MARCHF8: variants seen among roughly 807,000 people sequenced by gnomAD.
The protein encoded by MARCHF8 is E3 ubiquitin-protein ligase MARCHF8.
In MARCHF8, 40 loss-of-function variants were observed where a neutral mutation model predicts 51.6. That is an observed-to-expected ratio of 0.77 (90% CI 0.60 to 1.01). The LOEUF is 1.01. Among genes scored for constraint, MARCHF8 ranks in the 50% least tolerant of loss-of-function variants. MARCHF8 has a pLI of 0.00. For missense variants in MARCHF8, 685 were observed against 708.6 expected (o/e 0.97, Z 0.38); for synonymous variants, 263 against 280.3 (o/e 0.94, Z 0.62).
At chr10:45,500,843 C>T (rs150579935) in intron 2 of MARCHF8, among the ~76,000 whole-genome samples, 38 of 151,772 alleles carry the variant, frequency 2.5e-4, no homozygotes, top group African/African-American at 7.0e-4. Context: ...AATAGACATA[C>T]AAAAATTAAC....
At chr10:45,468,979 C>CA (rs1843065613) in intron 3 of MARCHF8, among the ~76,000 whole-genome samples, 1 of 152,132 alleles carries the variant, frequency 6.6e-6, no homozygotes, top group African/African-American at 2.4e-5. Context: ...TTCATCCTCA[C>CA]ACACCTGCGG....
At chr10:45,527,115 C>T (rs1274571899) in intron 2 of MARCHF8, among the ~76,000 whole-genome samples, 1 of 151,968 alleles carries the variant, frequency 6.6e-6, no homozygotes, top group Non-Finnish European at 1.5e-5. Context: ...ACAGCAAAAG[C>T]TTATAGTGTT....
chr10:45,544,043 G>C (rs1269814078), intron 1 of MARCHF8, among the ~76,000 whole-genome samples: 1 of 151,724 alleles, frequency 6.6e-6, no homozygotes, highest in Non-Finnish European at 1.5e-5. Flanking sequence ...ACTCCATTCT[G>C]GGCAACAGCA....
intron 3 of MARCHF8, among the ~76,000 whole-genome samples, chr10:45,486,345 C>CAGGA (rs1401270752): frequency 6.6e-6 from 1 of 152,166 alleles, no homozygotes; most frequent in African/African-American, 2.4e-5. Context: ...GCGGGTGGAT[C>CAGGA]AGGAGGTCAG....
At chr10:45,501,786 C>A (rs2043284694) in intron 2 of MARCHF8, among the ~76,000 whole-genome samples, 1 of 152,000 alleles carries the variant, frequency 6.6e-6, no homozygotes, top group African/African-American at 2.4e-5. Flanking sequence ...ATTCTTAGAC[C>A]TGAACATTTT....
chr10:45,526,980 T>C (rs975073006), intron 2 of MARCHF8, among the ~76,000 whole-genome samples: 2 of 152,132 alleles, frequency 1.3e-5, no homozygotes, highest in African/African-American at 4.8e-5. Context: ...GACTCTCAAA[T>C]CTATACAAAT....
chr10:45,578,420 T>C (rs541136021), intron 1 of MARCHF8, among the ~76,000 whole-genome samples: 1 of 152,226 alleles, frequency 6.6e-6, no homozygotes, highest in South Asian at 2.1e-4. Context: ...AATAAGAATA[T>C]GTATATGAAT....
At chr10:45,556,137 T>C (rs912007989) in intron 1 of MARCHF8, among the ~76,000 whole-genome samples, 4 of 152,222 alleles carry the variant, frequency 2.6e-5, no homozygotes. Flanking sequence ...ATAAACGGCA[T>C]GATTTTTTCA....
At chr10:45,467,459 G>A (rs996100136) in intron 3 of MARCHF8, among the ~76,000 whole-genome samples, 2 of 152,130 alleles carry the variant, frequency 1.3e-5, no homozygotes, top group Non-Finnish European at 2.9e-5. Flanking sequence ...CAATCCATAG[G>A]CAGAATGGTC....
chr10:45,487,742 A>G (rs559270820), intron 3 of MARCHF8, among the ~76,000 whole-genome samples: 2 of 152,366 alleles, frequency 1.3e-5, no homozygotes, highest in South Asian at 2.1e-4. Flanking sequence ...AAATGTCTTA[A>G]GAAGGTTTGC....
intron 7 of MARCHF8, 91 bp from the exon 8 acceptor site, chr10:45,458,634 C>CT: frequency 1.5e-6 from 2 of 1,318,514 alleles, no homozygotes; most frequent in Non-Finnish European, 1.0e-6. Context: ...TCAACTGATT[C>CT]TTTGTTGTTG....
chr10:45,503,489 T>C (rs2043319939), intron 2 of MARCHF8, among the ~76,000 whole-genome samples: 2 of 151,830 alleles, frequency 1.3e-5, no homozygotes, highest in South Asian at 4.1e-4. Context: ...TGAGCCGAGA[T>C]ATCGTGCCAC....
At chr10:45,551,830 G>A (rs924973950) in intron 1 of MARCHF8, among the ~76,000 whole-genome samples, 16 of 146,332 alleles carry the variant, frequency 1.1e-4, no homozygotes, top group African/African-American at 3.5e-4. Flanking sequence ...TATATATATA[G>A]GTATATCTGT....
At chr10:45,585,241 T>C (rs1007101674) in intron 1 of MARCHF8, among the ~76,000 whole-genome samples, 5 of 152,110 alleles carry the variant, frequency 3.3e-5, no homozygotes, top group Non-Finnish European at 7.4e-5. Context: ...CACCTGACCA[T>C]ACACAAAGAG....
chr10:45,488,036 A>G lies in MARCHF8; in HGVS notation c.153+1331T>C, dbSNP rs1236347109. ...CCAGAGTCAATGTGTGGGCTGAGAGAGGAGCACTGCCTGGAAGCAAGCTCA... is the reference window on the plus strand; with the variant it reads ...CCAGAGTCAATGTGTGGGCTGAGAGGGGAGCACTGCCTGGAAGCAAGCTCA... On this transcript the variant is annotated intron_variant, in intron 3 of 7. Transcript: ENST00000453424. Among the ~76,000 whole-genome samples, 3 of 152,202 alleles carry G rather than the reference A, an allele frequency of 2.0e-5. No homozygotes were observed. In the East Asian group the frequency reaches 5.8e-4, roughly 29 times the overall value.
chr10:45,554,198 G>A (rs1262643825), intron 1 of MARCHF8, among the ~76,000 whole-genome samples: 1 of 152,162 alleles, frequency 6.6e-6, no homozygotes, highest in Non-Finnish European at 1.5e-5. Flanking sequence ...TAATCATATT[G>A]TTAGCAGTAA....
chr10:45,528,853 T>A (rs72798210), intron 2 of MARCHF8, among the ~76,000 whole-genome samples: 1 of 152,134 alleles, frequency 6.6e-6, no homozygotes, highest in Non-Finnish European at 1.5e-5. Flanking sequence ...GACACAAACA[T>A]GATCATGGGT....
intron 1 of MARCHF8, among the ~76,000 whole-genome samples, chr10:45,543,527 G>A (rs1014795493): frequency 6.6e-6 from 1 of 152,132 alleles, no homozygotes; most frequent in Non-Finnish European, 1.5e-5. Context: ...GGCCGGGCAC[G>A]GTGGCTCATG....
intron 3 of MARCHF8, among the ~76,000 whole-genome samples, chr10:45,474,377 G>A (rs2042749326): frequency 6.6e-6 from 1 of 151,936 alleles, no homozygotes; most frequent in South Asian, 2.1e-4. Flanking sequence ...ATGGCTTCCT[G>A]GTACCCCGAG....
Sources: gnomAD v4.1 joint callset for allele counts (sites outside exome capture counted in the v4.1 genomes callset) on GRCh38, gnomAD v4.1.1 for gene constraint, MANE v1.5 for transcripts, NCBI Gene and HGNC (gene_info 2026-07-23, HGNC 2026-07-21) for gene names.